The following LRRFIP1 variants were observed in gnomAD, a reference collection of about 807,000 sequenced individuals.
The protein encoded by LRRFIP1 is LRR binding FLII interacting protein 1, also known as leucine-rich repeat flightless-interacting protein 1.
A neutral mutation model predicts 104.4 loss-of-function variants in LRRFIP1; 62 were observed. The ratio of observed to expected loss-of-function variants is 0.59; its 90% CI spans 0.48 to 0.73. The LOEUF (loss-of-function observed/expected upper bound fraction) is 0.73. Among genes scored for constraint, LRRFIP1 ranks in the 30% least tolerant of loss-of-function variants. The pLI, the probability that LRRFIP1 is intolerant of heterozygous loss-of-function variation, is 0.00. For synonymous variants in LRRFIP1, 300 were observed against 299.0 expected (o/e 1.00, Z -0.03); for missense variants, 796 against 824.5 (o/e 0.97, Z 0.42).
chr2:237,751,256 A>G lies in LRRFIP1; in HGVS notation c.852A>G (p.Gly284=). The change falls in exon 14 of 24, where the codon GGA becomes GGG. Residue 284 remains glycine (G), a synonymous_variant. Transcript: ENST00000308482. ...ATGTAGAAGGCAAATACATGCAGGGATTGAAAGAGATGAAGGTACCAATTC... is the reference window on the plus strand; with the variant it reads ...ATGTAGAAGGCAAATACATGCAGGGGTTGAAAGAGATGAAGGTACCAATTC... ...IQDVEGKYMQ[G]LKEMKDSLAE... 6.2e-7 allele frequency: 1 copy of G among 1,609,164 alleles called. No homozygotes were observed. Among genetic ancestry groups the G allele is most frequent in the Non-Finnish European group, 8.5e-7 (1 of 1,177,674 alleles).
Position 237,717,706 on chromosome 2 carries a change from C to T in LRRFIP1, c.202-56C>T. The T allele has an allele frequency of 7.5e-7, 1 of 1,333,306 alleles. No individual in the cohort carries two copies. Among genetic ancestry groups the T allele is most frequent in the Admixed American group, 1.7e-5 (1 of 59,670 alleles). The allele number at this position is 1,333,306 out of a possible 1,614,324, so 82.6% of individuals were successfully genotyped here. On this transcript the variant is annotated intron_variant, in intron 3 of 23. Coordinates refer to ENST00000308482, the MANE Select transcript of LRRFIP1 (RefSeq NM_001137550.2). This position sits in a 1 kb window ranked among gnomAD's most constrained non-coding sequence, Gnocchi z 4.2. Reference sequence around the variant, plus strand: ...CATGTCAGAACAGTGCCTTAGACAACTGCCTTTTTAAGAAATTTCACTTCT... The same window carrying T: ...CATGTCAGAACAGTGCCTTAGACAATTGCCTTTTTAAGAAATTTCACTTCT...
chr2:237,775,798 A>G lies in LRRFIP1; in HGVS notation c.1812+1336A>G, dbSNP rs548912802. The stretch of plus-strand genomic sequence containing the variant: ...AGCTGCTTTGACACATGAGCGTGCC[A>G]CTGCACTCCAGCATGGGGCGACAGA... On this transcript the variant is annotated intron_variant, in intron 23 of 23. Coordinates refer to ENST00000308482, the MANE Select transcript of LRRFIP1 (RefSeq NM_001137550.2). Among the ~76,000 whole-genome samples the G allele has an allele frequency of 5.9e-5, 9 of 152,232 alleles. No homozygotes were observed. In the East Asian group the frequency reaches 1.7e-3, roughly 30 times the overall value.
intron 2 of LRRFIP1, 185 bp downstream of exon 2, chr2:237,708,815 G>A: frequency 1.4e-6 from 1 of 733,640 alleles, no homozygotes; most frequent in South Asian, 1.5e-5. Flanking sequence ...ACGGATACCA[G>A]GCGTGCCTGC....
intron 19 of LRRFIP1, chr2:237,764,038 G>T: frequency 6.2e-7 from 1 of 1,614,162 alleles, no homozygotes; most frequent in Non-Finnish European, 8.5e-7. Context: ...ATGACTTGTC[G>T]GCACCAGGAA....
intron 1 of LRRFIP1, among the ~76,000 whole-genome samples, chr2:237,658,778 C>T (rs1029672459): frequency 1.3e-5 from 2 of 152,134 alleles, no homozygotes; most frequent in Admixed American, 6.5e-5. Context: ...GGGGAACTGC[C>T]CTCCTGTTTC....
chr2:237,760,363 G>A (rs1446220315), intron 19 of LRRFIP1, among the ~76,000 whole-genome samples, 158 bp downstream of exon 19: 2 of 152,300 alleles, frequency 1.3e-5, no homozygotes, highest in South Asian at 4.1e-4. Flanking sequence ...TGCCCACCCG[G>A]TGTGGTCACC....
chr2:237,774,899 G>C (rs1355502900), intron 23 of LRRFIP1, among the ~76,000 whole-genome samples: 1 of 152,268 alleles, frequency 6.6e-6, no homozygotes, highest in Non-Finnish European at 1.5e-5. Context: ...GAGTGCCCTT[G>C]AGAAGCCGAG....
intron 9 of LRRFIP1, among the ~76,000 whole-genome samples, chr2:237,734,215 T>C (rs895358662): frequency 6.6e-6 from 1 of 151,974 alleles, no homozygotes; most frequent in Admixed American, 6.6e-5. Context: ...TAAGTACTTA[T>C]GCTATGCAAG....
chr2:237,654,279 A>G (rs75563491), intron 1 of LRRFIP1, among the ~76,000 whole-genome samples: 1,541 of 152,344 alleles, frequency 0.01, 12 homozygotes, highest in Middle Eastern at 0.02. Context: ...ATCATTAATC[A>G]TCAGGGAAAT....
At chr2:237,644,047 CCT>C (rs545264797) in intron 1 of LRRFIP1, among the ~76,000 whole-genome samples, 235 of 152,284 alleles carry the variant, frequency 1.5e-3, no homozygotes, top group African/African-American at 5.4e-3. Flanking sequence ...ACAGTTTTTC[CCT>C]CTTTCCAGTT....
At chr2:237,758,038 A>C (rs1471417419) in intron 17 of LRRFIP1, among the ~76,000 whole-genome samples, 1 of 152,122 alleles carries the variant, frequency 6.6e-6, no homozygotes, top group Non-Finnish European at 1.5e-5. Flanking sequence ...TACACTTAGA[A>C]TTGAAGGATA....
At chr2:237,731,207 G>A (rs1420892961) in intron 8 of LRRFIP1, among the ~76,000 whole-genome samples, 1 of 152,186 alleles carries the variant, frequency 6.6e-6, no homozygotes, top group Non-Finnish European at 1.5e-5. Flanking sequence ...ATGTATCATT[G>A]ACCTCATTAA....
rs2094052337 is a variant in LRRFIP1, at chr2:237,711,013, G to A, written c.183+2383G>A. Among the ~76,000 whole-genome samples, 1 of 152,226 alleles carries A rather than the reference G, an allele frequency of 6.6e-6. No individual in the cohort carries two copies. Among genetic ancestry groups the A allele is most frequent in the African/African-American group, 2.4e-5 (1 of 41,470 alleles). ...GAGCCTGAAGCAATGATCGGGCCAT[G>A]ATTGTCCCTGTGTGTAGCCACTGCA... On this transcript the variant is annotated intron_variant, in intron 2 of 23. Coordinates refer to ENST00000308482, the MANE Select transcript of LRRFIP1 (RefSeq NM_001137550.2). This position sits in a 1 kb window ranked among gnomAD's most constrained non-coding sequence, Gnocchi z 4.4.
intron 7 of LRRFIP1, 64 bp from the exon 8 acceptor site, chr2:237,727,812 G>A: frequency 1.6e-6 from 2 of 1,272,522 alleles, no homozygotes; most frequent in South Asian, 1.3e-5. Context: ...GGTCCCTGCT[G>A]ATTTGTACCT....
At chr2:237,667,585 G>A (rs547686158) in intron 1 of LRRFIP1, among the ~76,000 whole-genome samples, 1 of 152,176 alleles carries the variant, frequency 6.6e-6, no homozygotes, top group Non-Finnish European at 1.5e-5. Flanking sequence ...AATGGGATTG[G>A]TGGGTCAAAC....
chr2:237,671,751 T>C (rs2090367525), intron 1 of LRRFIP1, among the ~76,000 whole-genome samples: 1 of 151,666 alleles, frequency 6.6e-6, no homozygotes. Context: ...AGCACTGCTT[T>C]ATGTGTCTGT....
intron 1 of LRRFIP1, among the ~76,000 whole-genome samples, chr2:237,643,716 G>C (rs1310033375): frequency 6.7e-6 from 1 of 148,872 alleles, no homozygotes; most frequent in Non-Finnish European, 1.5e-5. Flanking sequence ...AAGTGAGTGA[G>C]TGAATGAATA....
chr2:237,635,003 T>C (rs2082889253), intron 1 of LRRFIP1, among the ~76,000 whole-genome samples: 1 of 152,250 alleles, frequency 6.6e-6, no homozygotes, highest in South Asian at 2.1e-4. Context: ...CCATTCCCTC[T>C]GCCACCATTC....
intron 1 of LRRFIP1, among the ~76,000 whole-genome samples, chr2:237,702,092 C>G (rs1049301559): frequency 2.6e-5 from 4 of 152,238 alleles, no homozygotes; most frequent in Admixed American, 1.3e-4. Flanking sequence ...GAGAGCCTGG[C>G]TGTCTTTTTA....
Sources: allele counts gnomAD v4.1 joint callset (sites outside exome capture counted in the v4.1 genomes callset), GRCh38; gene constraint gnomAD v4.1.1; non-coding constraint Gnocchi (gnomAD v3.1); transcripts MANE v1.5; gene names NCBI Gene and HGNC (gene_info 2026-07-23, HGNC 2026-07-21).